The following PLCG2 variants were observed in gnomAD, a reference collection of about 807,000 sequenced individuals.
PLCG2 encodes the protein phospholipase C gamma 2, also known as 1-phosphatidylinositol 4,5-bisphosphate phosphodiesterase gamma-2.
PLCG2 carries 69 observed loss-of-function variants against 175.6 expected under a neutral mutation model. That is an observed-to-expected ratio of 0.39 (90% CI 0.32 to 0.48). The LOEUF (loss-of-function observed/expected upper bound fraction) is 0.48, where lower values mean the gene tolerates loss of function less well. PLCG2 is among the 20% of genes least tolerant of loss of function. The pLI is 0.91. For missense variants in PLCG2, 1,798 were observed against 1,650.9 expected (o/e 1.09, Z -1.54); for synonymous variants, 827 against 624.0 (o/e 1.33, Z -4.85).
upstream of PLCG2, among the ~76,000 whole-genome samples, chr16:81,778,072 AC>A (rs774744506): frequency 0.42 from 40,243 of 96,318 alleles, 11,244 homozygotes; most frequent in South Asian, 0.63. Context: ...AACCAAAAAC[AC>A]ACACACACAA....
intron 2 of PLCG2, among the ~76,000 whole-genome samples, chr16:81,818,883 A>ATTTTTTTTTTTTTTGTT (rs1904670048): frequency 9.4e-6 from 1 of 106,644 alleles, no homozygotes; most frequent in African/African-American, 4.0e-5. Flanking sequence ...GGGCTCATGG[A>ATTTTTTTTTTTTTTGTT]TTTTTTTTTT....
chr16:81,789,365 A>G (rs1363834888), intron 2 of PLCG2, among the ~76,000 whole-genome samples: 2 of 152,190 alleles, frequency 1.3e-5, no homozygotes, highest in Non-Finnish European at 2.9e-5. Context: ...ATCATGGTTC[A>G]CTATAGTTGT....
In PLCG2 at chr16:81,936,220, G is replaced by A. The variant is rs778362699; in HGVS notation, c.2894G>A (p.Ser965Asn). 7.4e-6 allele frequency: 12 copies of A among 1,614,194 alleles called. No individual in the cohort carries two copies. The Admixed American group carries it at 1.8e-4, about 25-fold the overall frequency. ...TCCTTTGTGGAGACGAAGGCTGACA[G>A]CATCATCAGACAGAAGCCCGTCGAC... ...IRSFVETKAD[S>N]IIRQKPVDLL... is the part of the protein sequence containing the mutation. The change falls in exon 27 of 33, where the codon AGC becomes AAC. Residue 965 changes from serine to asparagine, a missense_variant. Coordinates refer to ENST00000564138, the MANE Select transcript of PLCG2 (RefSeq NM_002661.5).
At chr16:81,840,172 A>G (rs957093841) in intron 2 of PLCG2, among the ~76,000 whole-genome samples, 6 of 152,224 alleles carry the variant, frequency 3.9e-5, no homozygotes, top group Non-Finnish European at 5.9e-5. Context: ...GAAATGAAAC[A>G]TCGGCAATCA....
chr16:81,957,764 C>T (rs1439414637), intron 32 of PLCG2, among the ~76,000 whole-genome samples, 192 bp from the exon 33 acceptor site: 1 of 152,064 alleles, frequency 6.6e-6, no homozygotes, highest in East Asian at 1.9e-4. Flanking sequence ...TCTGTTTTAC[C>T]ATTGAGGAGA....
intron 14 of PLCG2, among the ~76,000 whole-genome samples, chr16:81,901,678 C>G (rs921987831): frequency 1.1e-4 from 17 of 152,224 alleles, no homozygotes; most frequent in Non-Finnish European, 1.9e-4. Context: ...CTTGCGGGCT[C>G]TGTCACCAGC....
intron 22 of PLCG2, among the ~76,000 whole-genome samples, chr16:81,925,254 G>T (rs1371055703): frequency 1.3e-5 from 2 of 152,206 alleles, no homozygotes; most frequent in Non-Finnish European, 2.9e-5. Context: ...GCTACCTAGG[G>T]GGCCGCCTGG....
chr16:81,807,585 T>C (rs1312893636), intron 2 of PLCG2, among the ~76,000 whole-genome samples: 1 of 152,230 alleles, frequency 6.6e-6, no homozygotes, highest in Non-Finnish European at 1.5e-5. Flanking sequence ...TATTATTGCT[T>C]ACTTAATTCC....
chr16:81,928,066 C>T (rs565232155), intron 23 of PLCG2, among the ~76,000 whole-genome samples: 1 of 152,112 alleles, frequency 6.6e-6, no homozygotes, highest in Non-Finnish European at 1.5e-5. Context: ...CTCAGCCAGA[C>T]CCTGGGATGG....
chr16:81,899,771 G>T (rs1481362128), intron 13 of PLCG2, among the ~76,000 whole-genome samples: 1 of 152,172 alleles, frequency 6.6e-6, no homozygotes, highest in Non-Finnish European at 1.5e-5. Flanking sequence ...GCTTGGTTCA[G>T]GCACGAATTA....
chr16:81,841,822 A>C (rs1190337926), intron 2 of PLCG2, among the ~76,000 whole-genome samples: 2 of 152,170 alleles, frequency 1.3e-5, no homozygotes, highest in African/African-American at 2.4e-5. Context: ...ACGCTGCTAC[A>C]TGTGTGAAGT....
At chr16:81,833,717 TAG>T (rs1441964942) in intron 2 of PLCG2, among the ~76,000 whole-genome samples, 1 of 151,492 alleles carries the variant, frequency 6.6e-6, no homozygotes, top group Admixed American at 6.6e-5. Flanking sequence ...TATTTTTTTG[TAG>T]AGGTGGGAAC....
chr16:81,891,432 G>T, intron 10 of PLCG2, 40 bp from the exon 11 acceptor site: 2 of 1,117,202 alleles, frequency 1.8e-6, no homozygotes, highest in Admixed American at 1.7e-5. Context: ...CATCCTGCCC[G>T]TCAACGTGAT....
chr16:81,923,856 T>C (rs979032435), intron 22 of PLCG2, among the ~76,000 whole-genome samples: 1 of 152,344 alleles, frequency 6.6e-6, no homozygotes, highest in African/African-American at 2.4e-5. Flanking sequence ...TACCATTTAT[T>C]GAAGTCTTTC....
chr16:81,822,725 C>A (rs1327745612), intron 2 of PLCG2, among the ~76,000 whole-genome samples: 3 of 132,600 alleles, frequency 2.3e-5, no homozygotes, highest in East Asian at 5.1e-4. Context: ...CATGCCGCTG[C>A]ACTCCAGCCT....
rs1408276451 is a variant in PLCG2, at chr16:81,851,044, G to A, written c.194-3400G>A. On this transcript the variant is annotated intron_variant, in intron 2 of 32. Coordinates refer to ENST00000564138, the MANE Select transcript of PLCG2 (RefSeq NM_002661.5). Reference sequence around the variant, plus strand: ...CAGCTTGTAGTAGAAGTCCTCAGTGGGGTGTGACGGGGGATGAGTCCTTTC... The same window carrying A: ...CAGCTTGTAGTAGAAGTCCTCAGTGAGGTGTGACGGGGGATGAGTCCTTTC... Among the ~76,000 whole-genome samples, 16 of 152,240 alleles carry A rather than the reference G, an allele frequency of 1.1e-4. No homozygotes were observed. The East Asian group carries it at 2.7e-3, about 26-fold the overall frequency.
At chr16:81,785,195 C>G (rs977996333) in intron 1 of PLCG2, among the ~76,000 whole-genome samples, 9 of 152,190 alleles carry the variant, frequency 5.9e-5, no homozygotes, top group African/African-American at 2.2e-4. Context: ...CTCTCTGACA[C>G]TGACCACCCA....
intron 2 of PLCG2, among the ~76,000 whole-genome samples, chr16:81,800,271 C>T (rs759755113): frequency 1.1e-4 from 17 of 152,130 alleles, no homozygotes; most frequent in Non-Finnish European, 2.5e-4. Flanking sequence ...CATAGGTAAG[C>T]GTTTGCCATC....
intron 2 of PLCG2, among the ~76,000 whole-genome samples, chr16:81,759,870 T>C (rs1910001992): frequency 6.6e-6 from 1 of 152,244 alleles, no homozygotes; most frequent in Non-Finnish European, 1.5e-5. Flanking sequence ...CTCACGCCTG[T>C]AATCCCAGCA....
Sources: gnomAD v4.1 joint callset for allele counts (sites outside exome capture counted in the v4.1 genomes callset) on GRCh38, gnomAD v4.1.1 for gene constraint, MANE v1.5 for transcripts, NCBI Gene and HGNC (gene_info 2026-07-23, HGNC 2026-07-21) for gene names.